Variants in SYMPK observed in about 807,000 individuals in gnomAD.
SYMPK encodes symplekin.
Under a neutral mutation model 136.4 loss-of-function variants are expected in SYMPK, and 49 were observed. The observed-to-expected ratio is 0.36, with a 90% confidence interval of 0.29 to 0.46. SYMPK has a LOEUF of 0.46. SYMPK is among the 20% of genes least tolerant of loss of function. The pLI is 1.00. For synonymous variants in SYMPK, 766 were observed against 713.0 expected, an observed-to-expected ratio of 1.07 and a Z score of -1.19; for missense variants, 1,365 against 1,690.0, an observed-to-expected ratio of 0.81 and a Z score of 3.37.
intron 23 of SYMPK, among the ~76,000 whole-genome samples, chr19:45,817,417 C>CTCTTTTTTTTTTTTTTTTTTTTTTTTTT (rs1568605965): frequency 9.2e-6 from 1 of 108,480 alleles, no homozygotes; most frequent in African/African-American, 3.5e-5. Flanking sequence ...TTTTTGTTCT[C>CTCTTTTTTTTTTTTTTTTTTTTTTTTTT]TTTTTTTTTT....
intron 23 of SYMPK, among the ~76,000 whole-genome samples, chr19:45,817,417 C>CTTTTTTTTTTTT (rs559430104): frequency 1.1e-4 from 12 of 108,480 alleles, no homozygotes; most frequent in African/African-American, 3.2e-4. Flanking sequence ...TTTTTGTTCT[C>CTTTTTTTTTTTT]TTTTTTTTTT....
At position 45,828,670 on chromosome 19, in the gene SYMPK, CA is replaced by C. The variant is rs1971101652; in HGVS notation, c.1985+299del. ...GTCTATCTCCAGGCCCATGGGTGAG[CA>C]CTGTTATTTACAGATGGGAAAATGG... On this transcript the variant is annotated intron_variant, in intron 14 of 26. Coordinates refer to ENST00000245934, the MANE Select transcript of SYMPK (RefSeq NM_004819.3). The C allele has an allele frequency of 6.6e-6, 3 of 457,262 alleles. No homozygotes were observed. The South Asian group carries it at 7.6e-5, about 12-fold the overall frequency. The allele number at this position is 457,262 out of a possible 1,614,324, so 28.3% of individuals were successfully genotyped here.
rs115183531 is a variant in SYMPK at position 45,854,421 on chromosome 19, C to T, written c.75G>A (p.Pro25=). ...CTGAGGTGGTCATGCCATCGATGCC[C>T]GGCCCCTCCTCTTGAGTGAAAAACT... ...ASQFFTQEEG[P]GIDGMTTSER... is the part of the protein sequence containing the mutation. Residue 25 remains proline, a synonymous_variant, in exon 2 of 27, where the codon CCG becomes CCA. Coordinates refer to ENST00000245934, the MANE Select transcript of SYMPK (RefSeq NM_004819.3). 5,267 of 1,614,130 alleles carry T rather than the reference C, an allele frequency of 3.3e-3. 141 individuals carry two copies. The African/African-American group carries it at 0.06, about 18-fold the overall frequency.
Position 45,823,518 on chromosome 19 carries a change from C to T in SYMPK, c.2600-46G>A, listed in dbSNP as rs371153031. On this transcript the variant is annotated intron_variant, in intron 19 of 26. Coordinates refer to ENST00000245934, the MANE Select transcript of SYMPK (RefSeq NM_004819.3). ...GCACCAAGTTGGAGGCGGAGGGGAG[C>T]GTGGGAAAGGGTGGGCACCCAGGAA... 83 of 1,581,000 alleles carry T rather than the reference C, an allele frequency of 5.2e-5. No individual in the cohort carries two copies. In the South Asian group the frequency reaches 7.0e-4, roughly 13 times the overall value.
intron 14 of SYMPK, chr19:45,828,514 GAAGT>G (rs2146311688): frequency 5.6e-6 from 1 of 179,456 alleles, no homozygotes; most frequent in East Asian, 1.6e-4. Flanking sequence ...TCCTTGTGGG[GAAGT>G]AATAAAAGGA....
chr19:45,822,882 C>A, intron 20 of SYMPK, 36 bp from the exon 21 acceptor site: 2 of 1,513,674 alleles, frequency 1.3e-6, no homozygotes, highest in South Asian at 2.3e-5. Context: ...GGAGTTGAGT[C>A]ACATACACCC....
intron 3 of SYMPK, among the ~76,000 whole-genome samples, chr19:45,852,875 T>C (rs770761907): frequency 5.3e-5 from 8 of 152,168 alleles, no homozygotes; most frequent in Non-Finnish European, 8.8e-5. Flanking sequence ...GGCTCAGGCC[T>C]TCCTGAGGTT....
intron 21 of SYMPK, among the ~76,000 whole-genome samples, 178 bp downstream of exon 21, chr19:45,822,578 A>T (rs1970934063): frequency 6.6e-6 from 1 of 152,134 alleles, no homozygotes; most frequent in Admixed American, 6.5e-5. Context: ...AAACCATCAT[A>T]AAAATATCCC....
At chr19:45,843,401 G>T (rs1437383684) in intron 8 of SYMPK, among the ~76,000 whole-genome samples, 3 of 152,196 alleles carry the variant, frequency 2.0e-5, no homozygotes, top group African/African-American at 7.2e-5. Context: ...ATGAGTCTCT[G>T]TGTACCCATC....
In SYMPK at chr19:45,839,149, A is replaced by T. The variant is rs575737002; in HGVS notation, c.1088-534T>A. The stretch of plus-strand genomic sequence containing the variant: ...GGTGATCCACCTGTCTCAGCCTCCC[A>T]AAGTGCTAGGATTACAGGCATGAGC... On this transcript the variant is annotated intron_variant, in intron 9 of 26. Coordinates refer to ENST00000245934, the MANE Select transcript of SYMPK (RefSeq NM_004819.3). 8.5e-5 allele frequency among the ~76,000 whole-genome samples: 13 copies of T among 152,250 alleles called. No individual in the cohort carries two copies. In the East Asian group the frequency reaches 2.5e-3, roughly 29 times the overall value.
chr19:45,821,206 G>C lies in SYMPK; in HGVS notation c.2893+178C>G. The C allele has an allele frequency of 2.0e-6, 1 of 495,140 alleles. No homozygotes were observed. Among genetic ancestry groups the C allele is most frequent in the Non-Finnish European group, 3.8e-6 (1 of 260,194 alleles). The allele number at this position is 495,140 out of a possible 1,614,324, so 30.7% of individuals were successfully genotyped here. A position where few individuals can be genotyped will look rare whatever the true frequency, so the allele number is the denominator to read the frequency against. On this transcript the variant is annotated intron_variant, in intron 22 of 26. Coordinates refer to ENST00000245934, the MANE Select transcript of SYMPK (RefSeq NM_004819.3). The surrounding 1 kb of genome is among the most constrained non-coding windows in gnomAD (Gnocchi z 4.4). ...AGGAAGGAGGAGGGAGGGAGGGAGG[G>C]AGGGAAGAGGAGGCAAGAAAAGGAG...
intron 2 of SYMPK, 45 bp from the exon 3 acceptor site, chr19:45,854,285 G>A (rs1251914478): frequency 6.2e-7 from 1 of 1,608,936 alleles, no homozygotes; most frequent in African/African-American, 1.3e-5. Flanking sequence ...GCCCAGTCCA[G>A]CCCAGTGCAG....
At position 45,830,152 on chromosome 19, in the gene SYMPK, T is replaced by A. The variant is rs1971134632; in HGVS notation, c.1651A>T (p.Lys551Ter). Residue 551 changes from lysine (K) to a stop codon, truncating the protein, a stop_gained, in exon 13 of 27, where the codon AAG (lysine) becomes TAG (stop). Transcript: ENST00000245934. LOFTEE classifies it high-confidence loss of function. Reference protein sequence around the residue: ...KKIFRLSDVLKPLTDAQVEAM... With the variant: ...KKIFRLSDVL ...TCCACCTGGGCATCGGTAAGGGGCT[T>A]CAGCACGTCGCTGAGACGGAAAATT... 1 of 1,606,890 alleles carries A rather than the reference T, an allele frequency of 6.2e-7. No homozygotes were observed. The highest frequency in any genetic ancestry group is 1.7e-5 in the Admixed American group (1 of 59,424).
chr19:45,822,875 G>A (rs1267593955), intron 20 of SYMPK, 29 bp from the exon 21 acceptor site: 5 of 1,562,108 alleles, frequency 3.2e-6, no homozygotes, highest in South Asian at 2.2e-5. Context: ...GGGGGTGGGA[G>A]TTGAGTCACA....
At chr19:45,850,669 C>T (rs1971677565) in intron 5 of SYMPK, among the ~76,000 whole-genome samples, 1 of 152,154 alleles carries the variant, frequency 6.6e-6, no homozygotes, top group East Asian at 1.9e-4. Context: ...CTGTTATGTT[C>T]AACTCATTCA....
intron 14 of SYMPK, chr19:45,828,537 A>G (rs1241781011): frequency 5.2e-6 from 1 of 191,700 alleles, no homozygotes; most frequent in African/African-American, 2.4e-5. Context: ...GATTTATATA[A>G]TAAAATGTTC....
intron 12 of SYMPK, 55 bp from the exon 13 acceptor site, chr19:45,830,259 G>A (rs898998389): frequency 6.4e-7 from 1 of 1,556,288 alleles, no homozygotes; most frequent in Non-Finnish European, 8.8e-7. Context: ...GCAAAGGCCT[G>A]TCTGGTGACT....
At chr19:45,830,945 G>C (rs1971154593) in intron 12 of SYMPK, 1 of 136,790 alleles carries the variant, frequency 7.3e-6, no homozygotes, top group Admixed American at 7.1e-5. Context: ...GGGACTGGCT[G>C]GATTTTGTGG....
intron 11 of SYMPK, among the ~76,000 whole-genome samples, chr19:45,833,604 C>G (rs1206469324): frequency 6.6e-6 from 1 of 151,960 alleles, no homozygotes; most frequent in East Asian, 1.9e-4. Context: ...GAGAATCTGT[C>G]TCAAAAAATA....
Sources: allele counts gnomAD v4.1 joint callset (sites outside exome capture counted in the v4.1 genomes callset), GRCh38; gene constraint gnomAD v4.1.1; non-coding constraint Gnocchi (gnomAD v3.1); transcripts MANE v1.5; gene names NCBI Gene and HGNC (gene_info 2026-07-23, HGNC 2026-07-21).